HDAC4: variants seen among roughly 807,000 people sequenced by gnomAD.
HDAC4 encodes histone deacetylase 4.
A neutral mutation model predicts 135.1 loss-of-function variants in HDAC4; 16 were observed. That is an observed-to-expected ratio of 0.12 (90% CI 0.08 to 0.18). HDAC4 has a LOEUF of 0.18. HDAC4 is among the 10% of genes least tolerant of loss of function. HDAC4 has a pLI of 1.00. For missense variants in HDAC4, 1,143 were observed against 1,511.8 expected, an observed-to-expected ratio of 0.76 and a Z score of 4.05; for synonymous variants, 685 against 653.4, an observed-to-expected ratio of 1.05 and a Z score of -0.74.
At chr2:239,105,917 C>T (rs1180003296) in intron 15 of HDAC4, among the ~76,000 whole-genome samples, 4 of 152,202 alleles carry the variant, frequency 2.6e-5, no homozygotes, top group Non-Finnish European at 5.9e-5. Context: ...GCACACTGCT[C>T]GCTCTGAACC....
Position 239,189,946 on chromosome 2 carries a change from G to A in HDAC4, c.226C>T (p.Leu76=). The change falls in exon 4 of 27, where the codon CTG becomes TTG. Residue 76 remains leucine, a synonymous_variant. Coordinates refer to ENST00000543185, the MANE Select transcript of HDAC4 (RefSeq NM_001378414.1). The part of the protein sequence containing the change: ...LREQQLQQEL[L]ALKQKQQIQR... ...ATCTGCTGCTTCTGCTTGAGCGCCA[G>A]GAGCTCCTGCTGCAGCTGCTGCTCC... 8 of 1,610,022 alleles carry A rather than the reference G, an allele frequency of 5.0e-6. No individual in the cohort carries two copies. The highest frequency in any genetic ancestry group is 6.8e-6 in the Non-Finnish European group (8 of 1,179,918).
chr2:239,094,085 C>T, intron 17 of HDAC4: 1 of 985,404 alleles, frequency 1.0e-6, no homozygotes, highest in Non-Finnish European at 1.2e-6. Flanking sequence ...ATTACACACA[C>T]ACTGCACCGT....
chr2:239,108,030 C>A lies in HDAC4; in HGVS notation c.2112+20G>T, dbSNP rs777077163. ...TGGTGCCCAAAGCCGCAGCTGCCCA[C>A]CTGCCCCGGTCGGCGTTACCTCGCA... is the stretch of plus-strand genomic sequence containing the variant. On this transcript the variant is annotated intron_variant, in intron 15 of 26. Transcript: ENST00000543185. 1.9e-6 allele frequency: 3 copies of A among 1,610,446 alleles called. No homozygotes were observed. The highest frequency in any genetic ancestry group is 2.5e-6 in the Non-Finnish European group (3 of 1,179,746).
intron 1 of HDAC4, among the ~76,000 whole-genome samples, chr2:239,395,595 A>C (rs936630906): frequency 6.6e-6 from 1 of 152,216 alleles, no homozygotes; most frequent in Non-Finnish European, 1.5e-5. Flanking sequence ...CAATACCACC[A>C]TGTATAAAAG....
At chr2:239,248,864 C>T (rs566117309) in intron 2 of HDAC4, among the ~76,000 whole-genome samples, 1 of 152,344 alleles carries the variant, frequency 6.6e-6, no homozygotes, top group African/African-American at 2.4e-5. Context: ...TCAAGGTCAA[C>T]ATCCCATCAC....
chr2:239,118,652 C>A (rs1363568182), intron 12 of HDAC4, among the ~76,000 whole-genome samples: 1 of 152,202 alleles, frequency 6.6e-6, no homozygotes, highest in Non-Finnish European at 1.5e-5. Flanking sequence ...TGGATGAGGT[C>A]CCTTGTGGCG....
At chr2:239,216,229 C>T (rs937718604) in intron 3 of HDAC4, among the ~76,000 whole-genome samples, 15 of 152,100 alleles carry the variant, frequency 9.9e-5, no homozygotes, top group African/African-American at 3.6e-4. Flanking sequence ...TTCACACATA[C>T]TCACATATGT....
At chr2:239,119,410 CTAAGGA>C (rs2039429376) in intron 12 of HDAC4, among the ~76,000 whole-genome samples, 1 of 152,102 alleles carries the variant, frequency 6.6e-6, no homozygotes, top group Admixed American at 6.5e-5. Flanking sequence ...AAGCAACAGG[CTAAGGA>C]TGAGGAGACA....
intron 2 of HDAC4, among the ~76,000 whole-genome samples, chr2:239,283,898 T>G (rs1270367438): frequency 1.3e-5 from 2 of 152,176 alleles, no homozygotes; most frequent in African/African-American, 2.4e-5. Context: ...GGAGGGGCCA[T>G]GTAGTGCCGG....
At chr2:239,276,526 CT>C (rs1344945124) in intron 2 of HDAC4, among the ~76,000 whole-genome samples, 1 of 152,234 alleles carries the variant, frequency 6.6e-6, no homozygotes, top group Non-Finnish European at 1.5e-5. Flanking sequence ...CCTGAAACGG[CT>C]TCACCAGTCA....
chr2:239,370,533 C>A (rs1191178782), intron 1 of HDAC4, among the ~76,000 whole-genome samples: 1 of 152,246 alleles, frequency 6.6e-6, no homozygotes, highest in South Asian at 2.1e-4. Context: ...GGCCTCCCTG[C>A]TCCCTGCCTT....
intron 2 of HDAC4, among the ~76,000 whole-genome samples, chr2:239,319,174 C>T (rs1245939795): frequency 1.3e-5 from 2 of 152,202 alleles, no homozygotes; most frequent in Non-Finnish European, 2.9e-5. Context: ...GAGCAAAAAA[C>T]CAGAATATCT....
intron 3 of HDAC4, among the ~76,000 whole-genome samples, chr2:239,219,476 G>A (rs1405828667): frequency 1.3e-5 from 2 of 151,888 alleles, no homozygotes; most frequent in Non-Finnish European, 2.9e-5. Context: ...TTGTGGGGTG[G>A]GGGGAGGAGG....
intron 8 of HDAC4, among the ~76,000 whole-genome samples, chr2:239,142,264 G>A (rs2041432195): frequency 6.6e-6 from 1 of 152,124 alleles, no homozygotes; most frequent in Admixed American, 6.5e-5. Context: ...AACCGCGACT[G>A]CCTCCACCGC....
intron 3 of HDAC4, among the ~76,000 whole-genome samples, chr2:239,228,776 C>T (rs2047383719): frequency 6.6e-6 from 1 of 152,138 alleles, no homozygotes; most frequent in Admixed American, 6.5e-5. Flanking sequence ...GATTACTCGA[C>T]ACCACATCTA....
At chr2:239,364,714 C>T (rs1215882453) in intron 1 of HDAC4, among the ~76,000 whole-genome samples, 1 of 152,250 alleles carries the variant, frequency 6.6e-6, no homozygotes, top group Non-Finnish European at 1.5e-5. Context: ...TGACTCAAAG[C>T]CATCTTGCAC....
At chr2:239,230,368 CAAAAAAAAAAAA>C (rs56105562) in intron 3 of HDAC4, among the ~76,000 whole-genome samples, 1 of 79,394 alleles carries the variant, frequency 1.3e-5, no homozygotes, top group Non-Finnish European at 2.3e-5. Context: ...AGCAAGCAAG[CAAAAAAAAAAAA>C]AAAAAAAAAA....
At chr2:239,102,462 C>T in intron 16 of HDAC4, 4 of 384,658 alleles carry the variant, frequency 1.0e-5, no homozygotes, top group South Asian at 9.1e-5. Flanking sequence ...CAACTTCAGG[C>T]TCCCTGCAGG....
chr2:239,208,327 A>C (rs76243860), intron 3 of HDAC4, among the ~76,000 whole-genome samples: 31 of 59,768 alleles, frequency 5.2e-4, no homozygotes, highest in East Asian at 2.7e-3. Flanking sequence ...ACTCCGTCCC[A>C]AAAAAAAAAA....
Sources: allele counts gnomAD v4.1 joint callset (sites outside exome capture counted in the v4.1 genomes callset), GRCh38; gene constraint gnomAD v4.1.1; transcripts MANE v1.5; gene names NCBI Gene and HGNC (gene_info 2026-07-23, HGNC 2026-07-21).